Variants in CARMIL1 observed in about 807,000 individuals in gnomAD.
CARMIL1 encodes the protein F-actin-uncapping protein LRRC16A.
Under a neutral mutation model 177.1 loss-of-function variants are expected in CARMIL1, and 90 were observed. The ratio of observed to expected loss-of-function variants is 0.51; its 90% CI spans 0.43 to 0.61. The LOEUF (loss-of-function observed/expected upper bound fraction) is 0.61, where lower values mean the gene tolerates loss of function less well. Ranked by LOEUF, CARMIL1 falls within the 20% of genes least tolerant of loss-of-function variation. The probability of loss-of-function intolerance (pLI) is 0.00; values close to 1 mark genes in which losing one functional copy is unlikely to be tolerated. For synonymous variants in CARMIL1, 577 were observed against 606.2 expected, an observed-to-expected ratio of 0.95 and a Z score of 0.71; for missense variants, 1,380 against 1,667.0, an observed-to-expected ratio of 0.83 and a Z score of 3.00.
At position 25,296,943 on chromosome 6, in the gene CARMIL1, C is replaced by CTT. The variant is rs1561949137; in HGVS notation, c.138+12035_138+12036insTT. On this transcript the variant is annotated intron_variant, in intron 2 of 36. Coordinates refer to ENST00000329474, the MANE Select transcript of CARMIL1 (RefSeq NM_017640.6). Reference sequence around the variant, plus strand: ...TATCTATCTATCTATCTTTAACTAACTAACTAACTAACTAACTAACTAAAG... The same window carrying CTT: ...TATCTATCTATCTATCTTTAACTAACTTTAACTAACTAACTAACTAACTAAAG... 4.2e-3 allele frequency among the ~76,000 whole-genome samples: 307 copies of CTT among 72,746 alleles called. 1 individual carries two copies. The highest frequency in any genetic ancestry group is 0.014 in the African/African-American group (271 of 19,030). The allele number at this position is 72,746 out of a possible 152,430, so 47.7% of individuals were successfully genotyped here.
intron 29 of CARMIL1, among the ~76,000 whole-genome samples, chr6:25,567,695 C>G (rs1811677217): frequency 6.6e-6 from 1 of 152,156 alleles, no homozygotes; most frequent in African/African-American, 2.4e-5. Flanking sequence ...AAAGAAGTGG[C>G]CTAAATGTGG....
rs189585656 is a variant in CARMIL1, at chr6:25,515,612, G to A, written c.1633-63G>A. 5.9e-5 allele frequency: 86 copies of A among 1,446,198 alleles called. No individual in the cohort carries two copies. The African/African-American group carries it at 1.1e-3, about 18-fold the overall frequency. 89.6% of individuals were successfully genotyped at this position (1,446,198 alleles called of 1,614,324 possible). A position where few individuals can be genotyped will look rare whatever the true frequency, so the allele number is the denominator to read the frequency against. On this transcript the variant is annotated intron_variant, in intron 20 of 36. Coordinates refer to ENST00000329474, the MANE Select transcript of CARMIL1 (RefSeq NM_017640.6). This position sits in a 1 kb window ranked among gnomAD's most constrained non-coding sequence, Gnocchi z 5.0. ...TCCCCTCTCATTCTCCACGAAATGC[G>A]TCGTGGAGAGTGGGTGCTGCTTTGA... is the stretch of plus-strand genomic sequence containing the variant.
chr6:25,316,926 T>C (rs2690117), intron 2 of CARMIL1, among the ~76,000 whole-genome samples: 110,086 of 152,056 alleles, frequency 0.72, 40,533 homozygotes, highest in African/African-American at 0.85. Flanking sequence ...ACTCGGTACT[T>C]CTGTCTCAGA....
intron 2 of CARMIL1, among the ~76,000 whole-genome samples, chr6:25,374,456 C>G (rs1303775618): frequency 6.6e-6 from 1 of 152,126 alleles, no homozygotes; most frequent in African/African-American, 2.4e-5. Context: ...TATGATGTGT[C>G]TTGGAGAATG....
chr6:25,427,442 G>A (rs1343576819), intron 4 of CARMIL1, among the ~76,000 whole-genome samples: 4 of 152,042 alleles, frequency 2.6e-5, no homozygotes, highest in Non-Finnish European at 5.9e-5. Flanking sequence ...ATTACAGTTC[G>A]TTTATCCATT....
In CARMIL1 at chr6:25,312,918, A is replaced by ACAAC. The variant is rs934811356; in HGVS notation, c.138+28009_138+28010insCAAC. On this transcript the variant is annotated intron_variant, in intron 2 of 36. Coordinates refer to ENST00000329474, the MANE Select transcript of CARMIL1 (RefSeq NM_017640.6). ...GCATGACTCAGTTAAAAAAAAAAAA[A>ACAAC]AAAAAAAAAAAAACCAGAGGAGGGG... 6.3e-5 allele frequency among the ~76,000 whole-genome samples: 9 copies of ACAAC among 141,880 alleles called. No homozygotes were observed. The East Asian group carries it at 1.1e-3, about 17-fold the overall frequency. The allele number at this position is 141,880 out of a possible 152,430, so 93.1% of individuals were successfully genotyped here.
chr6:25,279,502 C>T lies in CARMIL1; in HGVS notation c.-294C>T, dbSNP rs1487806647. ...GAGGAGGAGCAGGCGCCACAGCCGC[C>T]CCGCGCCCCGCGCCCGCTTGTAATC... On this transcript the variant is annotated 5_prime_UTR_variant, in exon 1 of 37. Coordinates refer to ENST00000329474, the MANE Select transcript of CARMIL1 (RefSeq NM_017640.6). The T allele has an allele frequency of 2.2e-5, 11 of 494,758 alleles. No homozygotes were observed. The highest frequency in any genetic ancestry group is 6.7e-5 in the Admixed American group (2 of 29,840). The allele number at this position is 494,758 out of a possible 1,614,324, so 30.6% of individuals were successfully genotyped here.
chr6:25,427,658 A>G (rs1032651723), intron 4 of CARMIL1, among the ~76,000 whole-genome samples: 26 of 152,122 alleles, frequency 1.7e-4, no homozygotes, highest in Non-Finnish European at 3.4e-4. Flanking sequence ...TGGTTTTACT[A>G]TTTTACATTG....
chr6:25,587,198 A>T (rs992581232), intron 31 of CARMIL1, among the ~76,000 whole-genome samples: 1 of 152,246 alleles, frequency 6.6e-6, no homozygotes, highest in African/African-American at 2.4e-5. Flanking sequence ...CTCCAAAAAC[A>T]AAAACAAAGA....
At chr6:25,288,782 G>T (rs1034794255) in intron 2 of CARMIL1, among the ~76,000 whole-genome samples, 1 of 152,156 alleles carries the variant, frequency 6.6e-6, no homozygotes, top group African/African-American at 2.4e-5. Context: ...CACCTTATTA[G>T]CAGGATAGAG....
intron 29 of CARMIL1, chr6:25,563,258 A>C (rs1228898943): frequency 1.0e-6 from 1 of 985,456 alleles, no homozygotes; most frequent in East Asian, 1.1e-4. Flanking sequence ...CGTTTCGTTT[A>C]TGTCAAAAAA....
chr6:25,573,985 C>G (rs1812359230), intron 29 of CARMIL1, among the ~76,000 whole-genome samples: 1 of 152,182 alleles, frequency 6.6e-6, no homozygotes, highest in African/African-American at 2.4e-5. Context: ...AGCACTAACA[C>G]TTATCAAACA....
intron 23 of CARMIL1, among the ~76,000 whole-genome samples, chr6:25,524,174 C>A (rs1418386721): frequency 6.6e-6 from 1 of 152,144 alleles, no homozygotes; most frequent in Non-Finnish European, 1.5e-5. Context: ...CCTCTCTAAC[C>A]TGTCTCACAT....
At chr6:25,392,038 A>G (rs188326863) in intron 2 of CARMIL1, among the ~76,000 whole-genome samples, 1 of 106,728 alleles carries the variant, frequency 9.4e-6, no homozygotes. Context: ...GTGTGTATGC[A>G]TGTGTGTGTA....
At chr6:25,362,066 GA>G (rs1789264288) in intron 2 of CARMIL1, among the ~76,000 whole-genome samples, 1 of 152,088 alleles carries the variant, frequency 6.6e-6, no homozygotes, top group South Asian at 2.1e-4. Flanking sequence ...TATAGCAACA[GA>G]AAATGAACTA....
At position 25,539,625 on chromosome 6, in the gene CARMIL1, C is replaced by CAAAA. The variant is rs11304932; in HGVS notation, c.2197-298_2197-295dup. ...GGGCAACAAGAGCGAAACTCCATCT[C>CAAAA]AAAAAAAAAAAAAAAAAAAAAAAAA... is the stretch of plus-strand genomic sequence containing the variant. On this transcript the variant is annotated intron_variant, in intron 25 of 36. Transcript: ENST00000329474. Among the ~76,000 whole-genome samples, 61 of 55,736 alleles carry CAAAA rather than the reference C, an allele frequency of 1.1e-3. 1 individual carries two copies. Among genetic ancestry groups the CAAAA allele is most frequent in the African/African-American group, 2.1e-3 (30 of 14,270 alleles). 36.6% of individuals were successfully genotyped at this position (55,736 alleles called of 152,430 possible).
intron 29 of CARMIL1, among the ~76,000 whole-genome samples, chr6:25,567,105 A>G (rs1811624281): frequency 1.3e-5 from 2 of 152,222 alleles, no homozygotes; most frequent in Admixed American, 6.5e-5. Context: ...ACATTGCAAT[A>G]AGGAGTAGCT....
intron 29 of CARMIL1, among the ~76,000 whole-genome samples, chr6:25,561,401 C>T (rs1347266475): frequency 6.6e-6 from 1 of 152,080 alleles, no homozygotes; most frequent in African/African-American, 2.4e-5. Context: ...TTTTAATGAG[C>T]GTCATACCAG....
At chr6:25,598,413 A>AT (rs2151301584) in intron 32 of CARMIL1, among the ~76,000 whole-genome samples, 1 of 151,796 alleles carries the variant, frequency 6.6e-6, no homozygotes, top group African/African-American at 2.4e-5. Context: ...TAATTTTTGT[A>AT]TTTTTTGTAG....
Sources: gnomAD v4.1 joint callset for allele counts (sites outside exome capture counted in the v4.1 genomes callset) on GRCh38, gnomAD v4.1.1 for gene constraint, Gnocchi (gnomAD v3.1) non-coding constraint, MANE v1.5 for transcripts, NCBI Gene and HGNC (gene_info 2026-07-23, HGNC 2026-07-21) for gene names.